The following CNTLN variants were observed in gnomAD, a reference collection of about 807,000 sequenced individuals.
CNTLN encodes centlein, also known as centlein, centrosomal protein.
Under a neutral mutation model 180.0 loss-of-function variants are expected in CNTLN, and 212 were observed. The observed-to-expected ratio is 1.18, with a 90% CI of 1.05 to 1.32. CNTLN has a LOEUF of 1.32. CNTLN is among the 40% of genes most tolerant of loss of function. The probability of loss-of-function intolerance (pLI) is 0.00; values close to 1 mark genes in which losing one functional copy is unlikely to be tolerated. For synonymous variants in CNTLN, 722 were observed against 563.1 expected, an observed-to-expected ratio of 1.28 and a Z score of -3.99; for missense variants, 2,095 against 1,610.9, an observed-to-expected ratio of 1.30 and a Z score of -5.14.
chr9:17,226,127 T>C (rs959625919), intron 2 of CNTLN, 76 bp from the exon 3 acceptor site: 1 of 689,048 alleles, frequency 1.5e-6, no homozygotes, highest in East Asian at 3.2e-5. Flanking sequence ...TAAAGTGATA[T>C]TAATATTTGG....
intron 10 of CNTLN, among the ~76,000 whole-genome samples, chr9:17,339,799 T>A (rs1221495352): frequency 6.6e-6 from 1 of 152,208 alleles, no homozygotes; most frequent in African/African-American, 2.4e-5. Context: ...AATTTCGTCT[T>A]TATAAATTCA....
intron 2 of CNTLN, among the ~76,000 whole-genome samples, chr9:17,220,378 G>A (rs1824049108): frequency 6.6e-6 from 1 of 152,032 alleles, no homozygotes; most frequent in South Asian, 2.1e-4. Flanking sequence ...TATTATAGAA[G>A]AGGGGATTAT....
intron 5 of CNTLN, among the ~76,000 whole-genome samples, chr9:17,254,316 A>G (rs1426634343): frequency 2.6e-5 from 4 of 151,624 alleles, no homozygotes; most frequent in Non-Finnish European, 3.0e-5. Context: ...CATAGTCCCA[A>G]TTTTATGTTT....
At chr9:17,443,045 A>C (rs1830198594) in intron 18 of CNTLN, among the ~76,000 whole-genome samples, 1 of 152,220 alleles carries the variant, frequency 6.6e-6, no homozygotes, top group African/African-American at 2.4e-5. Flanking sequence ...GTGTCTACCA[A>C]AAACCTGAAC....
At chr9:17,346,857 A>T (rs7861565) in intron 12 of CNTLN, among the ~76,000 whole-genome samples, 3,200 of 152,238 alleles carry the variant, frequency 0.021, 105 homozygotes, top group African/African-American at 0.072. Flanking sequence ...TGAATGCTAG[A>T]TCTTTTATGA....
intron 12 of CNTLN, among the ~76,000 whole-genome samples, chr9:17,353,802 C>T (rs890625911): frequency 3.9e-5 from 6 of 152,136 alleles, no homozygotes; most frequent in South Asian, 2.1e-4. Context: ...GCTTGCTCTC[C>T]GCACCTCCTC....
At chr9:17,216,403 G>A (rs562339742) in intron 2 of CNTLN, among the ~76,000 whole-genome samples, 6 of 152,078 alleles carry the variant, frequency 3.9e-5, no homozygotes, top group East Asian at 3.9e-4. Flanking sequence ...CCTCCTGTTT[G>A]GTAATGAAAA....
At chr9:17,366,901 G>A in intron 13 of CNTLN, among the ~76,000 whole-genome samples, 184 bp downstream of exon 13, 1 of 152,082 alleles carries the variant, frequency 6.6e-6, no homozygotes, top group Non-Finnish European at 1.5e-5. Context: ...CTAAAAGTCA[G>A]CTTTGTAATT....
At chr9:17,370,981 T>A (rs1745626544) in intron 13 of CNTLN, among the ~76,000 whole-genome samples, 1 of 151,880 alleles carries the variant, frequency 6.6e-6, no homozygotes, top group Non-Finnish European at 1.5e-5. Context: ...AAGAAAGGAA[T>A]AAAATTTTCG....
chr9:17,211,517 A>C (rs1252877715), intron 2 of CNTLN, among the ~76,000 whole-genome samples: 2 of 152,220 alleles, frequency 1.3e-5, no homozygotes, highest in Non-Finnish European at 2.9e-5. Flanking sequence ...CTTTTGGCTT[A>C]GGATTGTCTT....
chr9:17,145,431 T>TA (rs1412438772), intron 2 of CNTLN, among the ~76,000 whole-genome samples: 1 of 152,178 alleles, frequency 6.6e-6, no homozygotes, highest in Non-Finnish European at 1.5e-5. Context: ...CTATGTCTGT[T>TA]AAAAAGAATA....
intron 18 of CNTLN, among the ~76,000 whole-genome samples, chr9:17,445,956 G>C (rs1242945596): frequency 6.6e-6 from 1 of 152,220 alleles, no homozygotes; most frequent in Admixed American, 6.5e-5. Context: ...CTGGAGGTGG[G>C]ACCTGCGGGC....
intron 8 of CNTLN, among the ~76,000 whole-genome samples, chr9:17,309,883 A>C (rs1819005905): frequency 6.6e-6 from 1 of 152,086 alleles, no homozygotes; most frequent in Non-Finnish European, 1.5e-5. Flanking sequence ...AAGTGTTTTT[A>C]AGGCTCTCAT....
chr9:17,362,096 C>G lies in CNTLN; in HGVS notation c.1887-4521C>G, dbSNP rs148163330. Among the ~76,000 whole-genome samples the G allele has an allele frequency of 1.3e-3, 200 of 152,282 alleles. 3 individuals are homozygous for G. The highest frequency in any genetic ancestry group is 9.3e-3 in the Admixed American group (143 of 15,300). On this transcript the variant is annotated intron_variant, in intron 12 of 25. Coordinates refer to ENST00000380647, the MANE Select transcript of CNTLN (RefSeq NM_017738.4). Reference sequence around the variant, plus strand: ...TGTAAATATTTATTAAAAGTAGGGACTGTGTGTGTTCTTTCCAAAAGAAAC... The same window carrying G: ...TGTAAATATTTATTAAAAGTAGGGAGTGTGTGTGTTCTTTCCAAAAGAAAC...
the CNTLN span, among the ~76,000 whole-genome samples, chr9:17,516,507 A>T: frequency 1.3e-5 from 2 of 152,218 alleles, no homozygotes; most frequent in African/African-American, 4.8e-5. Flanking sequence ...ATGAAGAAGG[A>T]ACAGTTGTGC....
At chr9:17,451,782 C>G (rs1466481232) in intron 18 of CNTLN, among the ~76,000 whole-genome samples, 1 of 152,166 alleles carries the variant, frequency 6.6e-6, no homozygotes, top group Non-Finnish European at 1.5e-5. Flanking sequence ...CTTTATGTTT[C>G]AGACTCCACT....
chr9:17,266,108 C>G (rs531657080), intron 5 of CNTLN, among the ~76,000 whole-genome samples: 5 of 150,256 alleles, frequency 3.3e-5, no homozygotes, highest in South Asian at 2.2e-4. Context: ...TCTTGCTTCT[C>G]TAGTTCTTTT....
chr9:17,370,045 G>A (rs1053463491), intron 13 of CNTLN, among the ~76,000 whole-genome samples: 5 of 151,546 alleles, frequency 3.3e-5, no homozygotes, highest in African/African-American at 9.7e-5. Context: ...AATGAAGCAT[G>A]CCTACAAGAT....
intron 18 of CNTLN, among the ~76,000 whole-genome samples, chr9:17,419,004 A>G (rs1341208407): frequency 6.6e-6 from 1 of 152,116 alleles, no homozygotes; most frequent in Admixed American, 6.5e-5. Flanking sequence ...TTAGAAGAAG[A>G]AATTTGAACT....
Sources: gnomAD v4.1 joint callset for allele counts (sites outside exome capture counted in the v4.1 genomes callset) on GRCh38, gnomAD v4.1.1 for gene constraint, MANE v1.5 for transcripts, NCBI Gene and HGNC (gene_info 2026-07-23, HGNC 2026-07-21) for gene names.